Variants in FAM120B observed in about 807,000 individuals in gnomAD.
FAM120B encodes the protein constitutive coactivator of peroxisome proliferator-activated receptor gamma.
A neutral mutation model predicts 96.3 loss-of-function variants in FAM120B; 83 were observed. The observed-to-expected ratio is 0.86, with a 90% CI of 0.72 to 1.03. FAM120B has a LOEUF of 1.03. Ranked by LOEUF, FAM120B falls within the 50% of genes least tolerant of loss-of-function variation. The pLI, the probability that FAM120B is intolerant of heterozygous loss-of-function variation, is 0.00. For synonymous variants in FAM120B, 407 were observed against 402.7 expected, an observed-to-expected ratio of 1.01 and a Z score of -0.13; for missense variants, 1,027 against 1,121.2, an observed-to-expected ratio of 0.92 and a Z score of 1.20.
At chr6:170,390,225 C>T (rs1283775360) in intron 7 of FAM120B, among the ~76,000 whole-genome samples, 1 of 152,190 alleles carries the variant, frequency 6.6e-6, no homozygotes, top group East Asian at 1.9e-4. Context: ...CTCACATACA[C>T]ACACACAGAT....
At chr6:170,324,333 C>T (rs1479179561) in intron 3 of FAM120B, among the ~76,000 whole-genome samples, 2 of 152,160 alleles carry the variant, frequency 1.3e-5, no homozygotes, top group Admixed American at 1.3e-4. Flanking sequence ...CAAGAGTTCA[C>T]CTCTGTGACC....
intron 6 of FAM120B, among the ~76,000 whole-genome samples, chr6:170,372,472 G>A (rs1243091321): frequency 2.0e-5 from 3 of 152,198 alleles, no homozygotes; most frequent in East Asian, 1.9e-4. Flanking sequence ...TGTCTCATCC[G>A]GCTCTGTGAT....
intron 1 of FAM120B, among the ~76,000 whole-genome samples, chr6:170,308,490 C>T (rs1784415910): frequency 6.6e-6 from 1 of 152,028 alleles, no homozygotes; most frequent in Non-Finnish European, 1.5e-5. Context: ...TAGTTTTTAG[C>T]ATTCTGAGAT....
At position 170,405,193 on chromosome 6, in the gene FAM120B, C is replaced by T. The variant is rs1778764169; in HGVS notation, c.*442C>T. On this transcript the variant is annotated 3_prime_UTR_variant, in exon 11 of 11. Transcript: ENST00000476287. The stretch of plus-strand genomic sequence containing the variant: ...TCTGCGGGGGAGACATCCCAAGACC[C>T]TCAGTGGATGCCTGAGACTGGATAG... 6.5e-6 allele frequency: 1 copy of T among 152,970 alleles called. No homozygotes were observed. The highest frequency in any genetic ancestry group is 2.4e-5 in the African/African-American group (1 of 41,460). The allele number at this position is 152,970 out of a possible 1,614,324, so 9.5% of individuals were successfully genotyped here.
At chr6:170,312,855 G>C (rs1784670492) in intron 1 of FAM120B, among the ~76,000 whole-genome samples, 1 of 152,160 alleles carries the variant, frequency 6.6e-6, no homozygotes, top group South Asian at 2.1e-4. Context: ...AGGGGTGAGG[G>C]GATGGGAAAT....
At chr6:170,400,610 C>G (rs531247653) in intron 9 of FAM120B, among the ~76,000 whole-genome samples, 129 of 152,312 alleles carry the variant, frequency 8.5e-4, no homozygotes, top group Non-Finnish European at 1.5e-3. Flanking sequence ...GGGACGGCAC[C>G]TCCACAGCAC....
chr6:170,336,515 C>T (rs188498901), intron 4 of FAM120B, among the ~76,000 whole-genome samples: 41 of 152,180 alleles, frequency 2.7e-4, no homozygotes, highest in African/African-American at 7.7e-4. Context: ...CTTGGCTATA[C>T]GGGCTTTTTG....
chr6:170,335,230 C>G (rs565596173), intron 4 of FAM120B, among the ~76,000 whole-genome samples: 209 of 151,854 alleles, frequency 1.4e-3, no homozygotes, highest in African/African-American at 4.8e-3. Context: ...CCAACAGGAC[C>G]CAGTGTGTGA....
chr6:170,329,300 G>T (rs1477822046), intron 3 of FAM120B, among the ~76,000 whole-genome samples: 2 of 152,200 alleles, frequency 1.3e-5, no homozygotes, highest in Non-Finnish European at 2.9e-5. Context: ...AGTGCCTGTG[G>T]GCACAAAATT....
chr6:170,400,581 T>C (rs1778515381), intron 9 of FAM120B, among the ~76,000 whole-genome samples: 1 of 152,144 alleles, frequency 6.6e-6, no homozygotes, highest in Non-Finnish European at 1.5e-5. Context: ...TTCTGATCAG[T>C]GTGGCCTGAC....
At chr6:170,359,131 T>C (rs1788162167) in intron 6 of FAM120B, among the ~76,000 whole-genome samples, 1 of 152,202 alleles carries the variant, frequency 6.6e-6, no homozygotes, top group South Asian at 2.1e-4. Flanking sequence ...CCGGGTGCAG[T>C]GGCTCACGCC....
chr6:170,303,482 T>C (rs1239739058), upstream of FAM120B, among the ~76,000 whole-genome samples: 3 of 152,154 alleles, frequency 2.0e-5, no homozygotes, highest in Non-Finnish European at 1.5e-5. Context: ...GCTCACAGAG[T>C]CCTCTTACCT....
intron 4 of FAM120B, among the ~76,000 whole-genome samples, chr6:170,346,140 A>G (rs538242028): frequency 6.6e-6 from 1 of 152,242 alleles, no homozygotes; most frequent in East Asian, 1.9e-4. Context: ...AAATGTTGTT[A>G]TGTGGCGCAT....
At chr6:170,300,479 G>A (rs1784117688) in intron 1 of FAM120B, among the ~76,000 whole-genome samples, 1 of 152,068 alleles carries the variant, frequency 6.6e-6, no homozygotes. Flanking sequence ...TTCCACTCCT[G>A]GTCCCTCCCA....
At chr6:170,343,557 T>C (rs1307191300) in intron 4 of FAM120B, among the ~76,000 whole-genome samples, 2 of 152,096 alleles carry the variant, frequency 1.3e-5, no homozygotes, top group African/African-American at 2.4e-5. Context: ...TATAATCTAT[T>C]ATATCATTAG....
chr6:170,317,394 G>T lies in FAM120B; in HGVS notation c.4G>T (p.Gly2Cys). ...GATCCTTTCCCGGAGTTCAGTTATG[G>T]GTGTGAGAGGTTTGCAAGGATTTGT... Reference protein sequence around the residue: MGVRGLQGFVGS... With the variant: MCVRGLQGFVGS... Residue 2 changes from glycine (G) to cysteine (C), a missense_variant, in exon 2 of 11, where the codon GGT becomes TGT. Physicochemically the swap from Gly to Cys is radical, Grantham distance 159. Coordinates refer to ENST00000476287, the MANE Select transcript of FAM120B (RefSeq NM_032448.3). 6.2e-7 allele frequency: 1 copy of T among 1,603,592 alleles called. No homozygotes were observed. Among genetic ancestry groups the T allele is most frequent in the Non-Finnish European group, 8.5e-7 (1 of 1,171,204 alleles).
intron 4 of FAM120B, among the ~76,000 whole-genome samples, chr6:170,333,717 C>T (rs2009353): frequency 0.57 from 87,081 of 151,944 alleles, 26,698 homozygotes; most frequent in Non-Finnish European, 0.68. Context: ...AACTCCTGGC[C>T]GCAAATGATC....
At chr6:170,313,157 C>G (rs1784693022) in intron 1 of FAM120B, among the ~76,000 whole-genome samples, 1 of 152,202 alleles carries the variant, frequency 6.6e-6, no homozygotes. Flanking sequence ...ATTTATTCAC[C>G]TGGTTGTTTG....
intron 5 of FAM120B, among the ~76,000 whole-genome samples, chr6:170,351,043 G>T (rs1476178227): frequency 6.6e-6 from 1 of 152,190 alleles, no homozygotes; most frequent in Non-Finnish European, 1.5e-5. Flanking sequence ...TAAGAAATAT[G>T]TTAAAACTAC....
Sources: gnomAD v4.1 joint callset for allele counts (sites outside exome capture counted in the v4.1 genomes callset) on GRCh38, gnomAD v4.1.1 for gene constraint, MANE v1.5 for transcripts, NCBI Gene and HGNC (gene_info 2026-07-23, HGNC 2026-07-21) for gene names.